The following PLCB1 variants were observed in gnomAD, a reference collection of about 807,000 sequenced individuals.
PLCB1 encodes the protein 1-phosphatidylinositol 4,5-bisphosphate phosphodiesterase beta-1.
Under a neutral mutation model 161.8 loss-of-function variants are expected in PLCB1, and 46 were observed. The ratio of observed to expected loss-of-function variants is 0.28; its 90% CI spans 0.22 to 0.36. The LOEUF is 0.36. PLCB1 is among the 10% of genes least tolerant of loss of function. PLCB1 has a pLI of 1.00. For synonymous variants in PLCB1, 517 were observed against 503.7 expected (o/e 1.03, Z -0.35); for missense variants, 1,016 against 1,472.5 (o/e 0.69, Z 5.07).
chr20:8,539,724 C>T (rs11087806), intron 3 of PLCB1, among the ~76,000 whole-genome samples: 1 of 136,136 alleles, frequency 7.3e-6, no homozygotes, highest in Admixed American at 8.0e-5. Context: ...TTTTCCTTTC[C>T]CTTCCTTTCT....
At chr20:8,444,020 T>TA (rs1406730003) in intron 3 of PLCB1, among the ~76,000 whole-genome samples, 1 of 152,172 alleles carries the variant, frequency 6.6e-6, no homozygotes, top group Non-Finnish European at 1.5e-5. Flanking sequence ...ATTTGTCTCT[T>TA]TACTGAGATC....
At chr20:8,372,769 C>T (rs903025971) in intron 3 of PLCB1, among the ~76,000 whole-genome samples, 2 of 152,120 alleles carry the variant, frequency 1.3e-5, no homozygotes, top group Non-Finnish European at 2.9e-5. Context: ...TTCATATAAG[C>T]CTGTTAGTTC....
chr20:8,446,118 T>C (rs1465640437), intron 3 of PLCB1, among the ~76,000 whole-genome samples: 1 of 152,184 alleles, frequency 6.6e-6, no homozygotes, highest in Non-Finnish European at 1.5e-5. Flanking sequence ...AAGAGAATTT[T>C]AGACCACTAT....
chr20:8,790,105 C>A (rs1310859435), intron 30 of PLCB1, 70 bp from the exon 31 acceptor site: 2 of 1,012,616 alleles, frequency 2.0e-6, no homozygotes, highest in Admixed American at 2.0e-5. Context: ...GAAAAGCTTT[C>A]GGTATTTTCT....
chr20:8,827,211 T>G (rs1421550571), intron 31 of PLCB1, among the ~76,000 whole-genome samples: 1 of 152,206 alleles, frequency 6.6e-6, no homozygotes, highest in Admixed American at 6.5e-5. Context: ...TCCCCATGAT[T>G]ATTTGTTCAC....
At chr20:8,234,913 A>T (rs932053336) in intron 2 of PLCB1, among the ~76,000 whole-genome samples, 7 of 152,066 alleles carry the variant, frequency 4.6e-5, no homozygotes, top group Non-Finnish European at 8.8e-5. Context: ...TTTTTATATT[A>T]TGTTTAGAAT....
intron 3 of PLCB1, among the ~76,000 whole-genome samples, chr20:8,504,871 A>G (rs1983571400): frequency 6.6e-6 from 1 of 152,112 alleles, no homozygotes; most frequent in African/African-American, 2.4e-5. Flanking sequence ...GATATTGGAT[A>G]GTTTTTGTTT....
chr20:8,735,581 G>A (rs1030111134), intron 19 of PLCB1, among the ~76,000 whole-genome samples: 4 of 152,150 alleles, frequency 2.6e-5, no homozygotes, highest in Non-Finnish European at 4.4e-5. Context: ...ATGTTCTACC[G>A]TCCTATGTTA....
chr20:8,578,136 TA>T (rs997405720), intron 3 of PLCB1, among the ~76,000 whole-genome samples: 11 of 152,346 alleles, frequency 7.2e-5, no homozygotes, highest in Non-Finnish European at 1.0e-4. Flanking sequence ...AATACCTTAT[TA>T]AGAATAAGGA....
intron 3 of PLCB1, among the ~76,000 whole-genome samples, chr20:8,426,752 A>G (rs1979795401): frequency 6.6e-6 from 1 of 152,224 alleles, no homozygotes; most frequent in South Asian, 2.1e-4. Flanking sequence ...GCTTTAAAGT[A>G]GCAATGATTT....
At chr20:8,280,709 T>G (rs967216617) in intron 2 of PLCB1, among the ~76,000 whole-genome samples, 1 of 152,208 alleles carries the variant, frequency 6.6e-6, no homozygotes, top group Non-Finnish European at 1.5e-5. Flanking sequence ...CCCTGTTTTT[T>G]GACATAGGTT....
intron 3 of PLCB1, among the ~76,000 whole-genome samples, chr20:8,472,145 T>C (rs1982079698): frequency 6.6e-6 from 1 of 152,206 alleles, no homozygotes; most frequent in African/African-American, 2.4e-5. Context: ...TTAGCTCTTA[T>C]TTTTGGTGAA....
At chr20:8,730,033 A>G (rs966039372) in intron 18 of PLCB1, 4 of 151,874 alleles carry the variant, frequency 2.6e-5, no homozygotes, top group Non-Finnish European at 4.4e-5. Context: ...TGGTTTTTGT[A>G]TTTCTGCTTT....
chr20:8,749,522 T>G (rs1981345011), intron 23 of PLCB1, among the ~76,000 whole-genome samples: 1 of 152,248 alleles, frequency 6.6e-6, no homozygotes, highest in South Asian at 2.1e-4. Context: ...TTAAGAGTTG[T>G]TGGTCTACTT....
intron 2 of PLCB1, among the ~76,000 whole-genome samples, chr20:8,254,695 C>A (rs1981323036): frequency 6.6e-6 from 1 of 151,992 alleles, no homozygotes; most frequent in Non-Finnish European, 1.5e-5. Context: ...TTATTTTATA[C>A]CGCTACGAGG....
At chr20:8,873,818 A>G (rs1294895730) in intron 31 of PLCB1, among the ~76,000 whole-genome samples, 1 of 151,936 alleles carries the variant, frequency 6.6e-6, no homozygotes, top group African/African-American at 2.4e-5. Context: ...TTTTACAGAA[A>G]CACTTACGTT....
chr20:8,316,426 T>G (rs1187932056), intron 2 of PLCB1, among the ~76,000 whole-genome samples: 1 of 152,096 alleles, frequency 6.6e-6, no homozygotes, highest in East Asian at 1.9e-4. Flanking sequence ...CTGTAATGAC[T>G]CCTTCTTTAT....
At chr20:8,754,943 A>G (rs989936796) in intron 23 of PLCB1, among the ~76,000 whole-genome samples, 2 of 152,164 alleles carry the variant, frequency 1.3e-5, no homozygotes, top group Non-Finnish European at 2.9e-5. Context: ...AATTCTAGGG[A>G]GAATTTTTCT....
intron 4 of PLCB1, among the ~76,000 whole-genome samples, chr20:8,634,391 T>G (rs1337502974): frequency 2.0e-5 from 3 of 152,192 alleles, no homozygotes; most frequent in Non-Finnish European, 4.4e-5. Flanking sequence ...TTCACTTATT[T>G]CAAGGATATG....
Sources: gnomAD v4.1 joint callset for allele counts (sites outside exome capture counted in the v4.1 genomes callset) on GRCh38, gnomAD v4.1.1 for gene constraint, MANE v1.5 for transcripts, NCBI Gene and HGNC (gene_info 2026-07-23, HGNC 2026-07-21) for gene names.